Variants in NUBPL observed in about 807,000 individuals in gnomAD.
The protein encoded by NUBPL is NUBP iron-sulfur cluster assembly factor, mitochondrial, also known as iron-sulfur cluster transfer protein NUBPL.
In NUBPL, 31 loss-of-function variants were observed where a neutral mutation model predicts 45.7. The ratio of observed to expected loss-of-function variants is 0.68; its 90% confidence interval spans 0.51 to 0.92. The LOEUF (loss-of-function observed/expected upper bound fraction) is 0.92. Among genes scored for constraint, NUBPL ranks in the 40% least tolerant of loss-of-function variants. NUBPL has a pLI of 0.00. For synonymous variants in NUBPL, 144 were observed against 140.9 expected (o/e 1.02, Z -0.15); for missense variants, 401 against 398.7 (o/e 1.01, Z -0.05).
intron 6 of NUBPL, among the ~76,000 whole-genome samples, chr14:31,726,446 T>C (rs2037927285): frequency 6.6e-6 from 1 of 152,230 alleles, no homozygotes; most frequent in Non-Finnish European, 1.5e-5. Flanking sequence ...ATTTCAAAAA[T>C]AGAATGAATG....
At chr14:31,836,258 G>A (rs930837523) in intron 8 of NUBPL, among the ~76,000 whole-genome samples, 1 of 152,114 alleles carries the variant, frequency 6.6e-6, no homozygotes, top group Non-Finnish European at 1.5e-5. Context: ...TGGTAGCCAG[G>A]CATGTAGTAT....
At chr14:31,705,848 TC>T (rs2037438378) in intron 6 of NUBPL, among the ~76,000 whole-genome samples, 1 of 151,934 alleles carries the variant, frequency 6.6e-6, no homozygotes, top group African/African-American at 2.4e-5. Flanking sequence ...AAGGAGCACA[TC>T]CCCCGATCAA....
chr14:31,734,319 G>A (rs1316266282), intron 6 of NUBPL, among the ~76,000 whole-genome samples: 46 of 152,108 alleles, frequency 3.0e-4, no homozygotes, highest in Admixed American at 3.0e-3. Context: ...CCCCAAGGAT[G>A]ACATTGGCTA....
At chr14:31,701,197 ACT>A (rs1208764700) in intron 6 of NUBPL, among the ~76,000 whole-genome samples, 4 of 151,712 alleles carry the variant, frequency 2.6e-5, no homozygotes, top group Non-Finnish European at 4.4e-5. Context: ...ACCAGTCAGC[ACT>A]CTGTGTCTAG....
chr14:31,638,780 G>A (rs1396881211), intron 4 of NUBPL, among the ~76,000 whole-genome samples: 1 of 152,084 alleles, frequency 6.6e-6, no homozygotes, highest in Non-Finnish European at 1.5e-5. Context: ...TGAAGGCTTT[G>A]TTCGTTTCTA....
At chr14:31,729,299 T>C (rs758503877) in intron 6 of NUBPL, among the ~76,000 whole-genome samples, 2 of 72,634 alleles carry the variant, frequency 2.8e-5, no homozygotes, top group Non-Finnish European at 5.9e-5. Context: ...AAAAAAAAAG[T>C]CATTCAACAA....
At position 31,580,507 on chromosome 14, in the gene NUBPL, A is replaced by C. The variant is rs141392172; in HGVS notation, c.291+15459A>C. On this transcript the variant is annotated intron_variant, in intron 3 of 10. Transcript: ENST00000281081. ...GTGGCGTACAGCTGTAGTCCCAGCT[A>C]CTCAGAAGGCTGAGGCAGATCACTT... Among the ~76,000 whole-genome samples, 377 of 152,234 alleles carry C rather than the reference A, an allele frequency of 2.5e-3. 3 individuals are homozygous for C. The highest frequency in any genetic ancestry group is 8.5e-3 in the African/African-American group (354 of 41,522).
At chr14:31,836,379 A>G (rs998609787) in intron 8 of NUBPL, among the ~76,000 whole-genome samples, 1 of 152,196 alleles carries the variant, frequency 6.6e-6, no homozygotes, top group Non-Finnish European at 1.5e-5. Context: ...CAGTGGTATT[A>G]TGTAAATTAA....
chr14:31,657,212 A>G (rs1374799686), intron 4 of NUBPL, among the ~76,000 whole-genome samples: 1 of 152,176 alleles, frequency 6.6e-6, no homozygotes, highest in Non-Finnish European at 1.5e-5. Context: ...GGCAGCCTCC[A>G]ATTTAATGTG....
intron 7 of NUBPL, among the ~76,000 whole-genome samples, chr14:31,807,630 GATCCCATTT>G (rs200396200): frequency 0.037 from 5,680 of 152,226 alleles, 142 homozygotes; most frequent in African/African-American, 0.079. Flanking sequence ...AGTTTAATTA[GATCCCATTT>G]GTCAATTTTT....
At chr14:31,638,538 A>T (rs1453100194) in intron 4 of NUBPL, among the ~76,000 whole-genome samples, 1 of 151,406 alleles carries the variant, frequency 6.6e-6, no homozygotes, top group East Asian at 1.9e-4. Flanking sequence ...CCTTCATTTC[A>T]ACTTTGGTGA....
chr14:31,800,852 A>G (rs763826819), intron 7 of NUBPL: 2 of 152,184 alleles, frequency 1.3e-5, no homozygotes, highest in Non-Finnish European at 2.9e-5. Flanking sequence ...AGTTTTAGTA[A>G]TTTATTTATA....
intron 6 of NUBPL, among the ~76,000 whole-genome samples, chr14:31,753,137 T>C (rs1344903039): frequency 1.3e-5 from 2 of 152,008 alleles, no homozygotes; most frequent in African/African-American, 2.4e-5. Flanking sequence ...AGTAGCCTAG[T>C]GGTTTATGGA....
intron 10 of NUBPL, among the ~76,000 whole-genome samples, chr14:31,856,012 A>G (rs1236187256): frequency 6.6e-6 from 1 of 152,220 alleles, no homozygotes; most frequent in Non-Finnish European, 1.5e-5. Context: ...CATTAGTTGT[A>G]TATAAATATA....
intron 6 of NUBPL, among the ~76,000 whole-genome samples, chr14:31,735,122 T>G (rs911249783): frequency 6.6e-6 from 1 of 152,192 alleles, no homozygotes; most frequent in Non-Finnish European, 1.5e-5. Flanking sequence ...CAATTAAAAA[T>G]GTCTGTAGAC....
chr14:31,831,459 A>G (rs1318862508), intron 8 of NUBPL, among the ~76,000 whole-genome samples: 1 of 141,896 alleles, frequency 7.0e-6, no homozygotes, highest in Non-Finnish European at 1.5e-5. Context: ...ATGCTATACT[A>G]TACTGTACTA....
intron 6 of NUBPL, among the ~76,000 whole-genome samples, chr14:31,721,278 T>G (rs1257631307): frequency 1.3e-5 from 2 of 152,210 alleles, no homozygotes; most frequent in African/African-American, 2.4e-5. Context: ...TTAAGTATGT[T>G]TGCCTTATAG....
intron 6 of NUBPL, among the ~76,000 whole-genome samples, chr14:31,782,617 C>T (rs1375849211): frequency 6.6e-6 from 1 of 152,094 alleles, no homozygotes; most frequent in East Asian, 1.9e-4. Context: ...ATGGTGAAAC[C>T]CTGTCTCTAC....
chr14:31,563,085 T>G (rs189030559), intron 2 of NUBPL, among the ~76,000 whole-genome samples: 275 of 152,330 alleles, frequency 1.8e-3, no homozygotes, highest in African/African-American at 6.3e-3. Flanking sequence ...TGAATTCATG[T>G]GCTCTCCTGC....
Sources: allele counts gnomAD v4.1 joint callset (sites outside exome capture counted in the v4.1 genomes callset), GRCh38; gene constraint gnomAD v4.1.1; transcripts MANE v1.5; gene names NCBI Gene and HGNC (gene_info 2026-07-23, HGNC 2026-07-21).